Variants in GRIK4 observed in about 807,000 individuals in gnomAD.
GRIK4 encodes glutamate receptor ionotropic, kainate 4.
Under a neutral mutation model 104.9 loss-of-function variants are expected in GRIK4, and 40 were observed. That is an observed-to-expected ratio of 0.38 (90% CI 0.30 to 0.50). The LOEUF (loss-of-function observed/expected upper bound fraction) is 0.50, where lower values mean the gene tolerates loss of function less well. GRIK4 is among the 20% of genes least tolerant of loss of function. GRIK4 has a pLI of 0.93. For synonymous variants in GRIK4, 485 were observed against 524.9 expected (o/e 0.92, Z 1.04); for missense variants, 1,047 against 1,308.1 (o/e 0.80, Z 3.08).
chr11:120,846,590 C>T (rs918101161), intron 8 of GRIK4, among the ~76,000 whole-genome samples: 1 of 152,176 alleles, frequency 6.6e-6, no homozygotes, highest in Non-Finnish European at 1.5e-5. Context: ...GACCCAGAGC[C>T]AGCCAAGGAA....
intron 7 of GRIK4, among the ~76,000 whole-genome samples, chr11:120,832,792 G>A (rs1591970360): frequency 6.6e-6 from 1 of 152,316 alleles, no homozygotes; most frequent in South Asian, 2.1e-4. Flanking sequence ...GAGCCTAGGG[G>A]CCCCACACAG....
At chr11:120,531,508 T>C (rs909337326) in intron 1 of GRIK4, among the ~76,000 whole-genome samples, 1 of 152,154 alleles carries the variant, frequency 6.6e-6, no homozygotes, top group Non-Finnish European at 1.5e-5. Flanking sequence ...ATCAGGAAAC[T>C]GAGACTGGTG....
Position 120,532,538 on chromosome 11 carries a change from C to T in GRIK4, c.-159+20651C>T, listed in dbSNP as rs544114596. On this transcript the variant is annotated intron_variant, in intron 1 of 20. Coordinates refer to ENST00000527524, the MANE Select transcript of GRIK4 (RefSeq NM_014619.5). ...TCAGAGGTTTGATTTAATCTGTCCT[C>T]CTCCCTCTGAGCCGGCTGGCTGCTT... Among the ~76,000 whole-genome samples, 188 of 152,300 alleles carry T rather than the reference C, an allele frequency of 1.2e-3. 3 individuals carry two copies. The South Asian group carries it at 0.038, about 31-fold the overall frequency.
intron 3 of GRIK4, among the ~76,000 whole-genome samples, chr11:120,667,283 C>T (rs1029497873): frequency 6.6e-6 from 1 of 152,266 alleles, no homozygotes; most frequent in African/African-American, 2.4e-5. Context: ...GGCTCCAATC[C>T]TTTGGATAAG....
At chr11:120,859,492 C>T (rs965627048) in intron 8 of GRIK4, 1 of 152,150 alleles carries the variant, frequency 6.6e-6, no homozygotes, top group African/African-American at 2.4e-5. Context: ...TTAAAATGAG[C>T]CTTCATCCAT....
At chr11:120,558,414 T>G (rs920802203) in intron 1 of GRIK4, among the ~76,000 whole-genome samples, 2 of 152,098 alleles carry the variant, frequency 1.3e-5, no homozygotes, top group Non-Finnish European at 2.9e-5. Flanking sequence ...GGTGAAACCC[T>G]GTCTCTACGA....
chr11:120,683,735 A>G (rs1456988231), intron 3 of GRIK4, among the ~76,000 whole-genome samples: 1 of 152,242 alleles, frequency 6.6e-6, no homozygotes, highest in East Asian at 1.9e-4. Context: ...AGACTTAACC[A>G]GCCAAGACAT....
intron 1 of GRIK4, among the ~76,000 whole-genome samples, chr11:120,529,764 G>C (rs373606907): frequency 6.6e-6 from 1 of 152,306 alleles, no homozygotes; most frequent in African/African-American, 2.4e-5. Flanking sequence ...TTGCTTTTAG[G>C]TGCTTTCACA....
chr11:120,546,555 G>A (rs114170155), intron 1 of GRIK4, among the ~76,000 whole-genome samples: 1,959 of 152,248 alleles, frequency 0.013, 35 homozygotes, highest in African/African-American at 0.044. Flanking sequence ...GATGCAGTCC[G>A]CATGGGAGTC....
At chr11:120,827,872 C>A (rs779058515) in intron 6 of GRIK4, among the ~76,000 whole-genome samples, 10 of 152,222 alleles carry the variant, frequency 6.6e-5, no homozygotes, top group Non-Finnish European at 1.5e-4. Flanking sequence ...CTCACTACCT[C>A]ATGGGCAGCC....
chr11:120,643,728 G>A (rs907624037), intron 1 of GRIK4, among the ~76,000 whole-genome samples: 11 of 152,166 alleles, frequency 7.2e-5, no homozygotes, highest in Non-Finnish European at 1.3e-4. Context: ...GCTCTGACCC[G>A]TGCCTCTTAG....
At chr11:120,580,250 TCTTTTTCTTTCTTTCTTTC>T (rs1948558449) in intron 1 of GRIK4, among the ~76,000 whole-genome samples, 1 of 139,376 alleles carries the variant, frequency 7.2e-6, no homozygotes, top group African/African-American at 3.3e-5. Context: ...TTTCTTTCTT[TCTTTTTCTTTCTTTCTTTC>T]CTTTCTTTCT....
In GRIK4 at chr11:120,560,938, C is replaced by A. The variant is rs181810275; in HGVS notation, c.-159+49051C>A. ...AAGGATTTCATCTTCCTCCTTCCCC[C>A]CTTCCACGCCTCTGGGAAGATCTTT... On this transcript the variant is annotated intron_variant, in intron 1 of 20. Transcript: ENST00000527524. Among the ~76,000 whole-genome samples, 12 of 152,340 alleles carry A rather than the reference C, an allele frequency of 7.9e-5. 1 individual carries two copies. The South Asian group carries it at 2.5e-3, about 32-fold the overall frequency.
chr11:120,529,538 C>CT (rs1230741229), intron 1 of GRIK4, among the ~76,000 whole-genome samples: 1 of 152,222 alleles, frequency 6.6e-6, no homozygotes, highest in Non-Finnish European at 1.5e-5. Flanking sequence ...GAGATGCAGC[C>CT]TAATAGTGTC....
intron 1 of GRIK4, among the ~76,000 whole-genome samples, chr11:120,521,499 T>C (rs1947796671): frequency 6.6e-6 from 1 of 152,182 alleles, no homozygotes; most frequent in African/African-American, 2.4e-5. Context: ...TTAAAATTAT[T>C]GTCCCAGACT....
chr11:120,646,484 G>A (rs781296532), intron 1 of GRIK4, among the ~76,000 whole-genome samples: 1 of 152,152 alleles, frequency 6.6e-6, no homozygotes, highest in African/African-American at 2.4e-5. Context: ...TGGAGGGAGT[G>A]GGGGGACATC....
intron 4 of GRIK4, among the ~76,000 whole-genome samples, chr11:120,808,366 T>G (rs938435711): frequency 1.3e-5 from 2 of 152,220 alleles, no homozygotes; most frequent in African/African-American, 4.8e-5. Context: ...TTAGTAGTAG[T>G]AGAATTCATA....
chr11:120,901,158 T>C (rs997748898), intron 12 of GRIK4, among the ~76,000 whole-genome samples: 5 of 152,128 alleles, frequency 3.3e-5, no homozygotes, highest in African/African-American at 1.2e-4. Context: ...AAAATCAGAA[T>C]TGGCCTGGCA....
intron 1 of GRIK4, among the ~76,000 whole-genome samples, chr11:120,615,021 AAAAC>A (rs147002533): frequency 0.034 from 5,178 of 152,162 alleles, 264 homozygotes; most frequent in African/African-American, 0.12. Context: ...AACAAAAAAC[AAAAC>A]AAACAAACAA....
Sources: gnomAD v4.1 joint callset for allele counts (sites outside exome capture counted in the v4.1 genomes callset) on GRCh38, gnomAD v4.1.1 for gene constraint, MANE v1.5 for transcripts, NCBI Gene and HGNC (gene_info 2026-07-23, HGNC 2026-07-21) for gene names.